Variants in SLC24A5 observed in about 807,000 individuals in gnomAD.
SLC24A5 encodes sodium/potassium/calcium exchanger 5.
In SLC24A5, 46 loss-of-function variants were observed where a neutral mutation model predicts 51.6. The observed-to-expected ratio is 0.89, with a 90% confidence interval of 0.70 to 1.14. SLC24A5 has a LOEUF of 1.14. Among genes scored for constraint, SLC24A5 ranks in the 50% most tolerant of loss-of-function variants. The pLI is 0.00. For synonymous variants in SLC24A5, 230 were observed against 214.9 expected (o/e 1.07, Z -0.62); for missense variants, 581 against 604.1 (o/e 0.96, Z 0.40).
At chr15:48,140,803 C>A (rs916175283) in intron 7 of SLC24A5, 10 of 298,320 alleles carry the variant, frequency 3.4e-5, no homozygotes, top group Non-Finnish European at 6.5e-5. Flanking sequence ...CAGCACAGCC[C>A]TGATGAGATA....
intron 2 of SLC24A5, among the ~76,000 whole-genome samples, chr15:48,130,387 C>A (rs1319686880): frequency 6.6e-6 from 1 of 152,076 alleles, no homozygotes; most frequent in African/African-American, 2.4e-5. Context: ...GTTAAAATAT[C>A]TTTAAGTTTT....
chr15:48,132,256 T>C (rs1003548399), intron 2 of SLC24A5, among the ~76,000 whole-genome samples: 1 of 152,146 alleles, frequency 6.6e-6, no homozygotes, highest in African/African-American at 2.4e-5. Context: ...TCAAGGTCTT[T>C]AGTTACCTTC....
At chr15:48,137,494 T>C (rs1741111584) in intron 6 of SLC24A5, 1 of 152,218 alleles carries the variant, frequency 6.6e-6, no homozygotes, top group Admixed American at 6.5e-5. Flanking sequence ...GAGAAATTAT[T>C]AGAACTGTTA....
intron 2 of SLC24A5, 21 bp from the exon 3 acceptor site, chr15:48,134,237 A>T (rs774800751): frequency 1.9e-5 from 31 of 1,606,272 alleles, no homozygotes; most frequent in Non-Finnish European, 2.6e-5. Flanking sequence ...TAGGCATAAC[A>T]ATCATTTCAT....
chr15:48,141,299 C>G (rs2039075269), intron 8 of SLC24A5, 85 bp downstream of exon 8: 1 of 1,160,448 alleles, frequency 8.6e-7, no homozygotes, highest in African/African-American at 1.6e-5. Flanking sequence ...TTACTTCCAG[C>G]CGGGTGTGGT....
intron 2 of SLC24A5, chr15:48,123,008 T>C (rs2038695672): frequency 6.6e-6 from 1 of 151,898 alleles, no homozygotes; most frequent in South Asian, 2.1e-4. Flanking sequence ...ATGTAAACTC[T>C]CCCTTTTCCC....
intron 2 of SLC24A5, chr15:48,122,356 G>T: frequency 4.0e-6 from 2 of 506,188 alleles, no homozygotes; most frequent in Non-Finnish European, 6.9e-6. Context: ...CTTTGTGTGC[G>T]CTCCTAATAC....
chr15:48,132,601 G>C (rs2038801962), intron 2 of SLC24A5, among the ~76,000 whole-genome samples: 1 of 152,014 alleles, frequency 6.6e-6, no homozygotes, highest in Non-Finnish European at 1.5e-5. Flanking sequence ...CACGGTTTTG[G>C]GTGTTTACTG....
At chr15:48,139,275 T>C in intron 7 of SLC24A5, 100 bp downstream of exon 7, 1 of 946,164 alleles carries the variant, frequency 1.1e-6, no homozygotes, top group East Asian at 2.4e-5. Flanking sequence ...CAAATTTCTT[T>C]TCAGCAAGAT....
intron 1 of SLC24A5, 85 bp downstream of exon 1, chr15:48,121,250 A>G (rs987522012): frequency 7.1e-7 from 1 of 1,415,594 alleles, no homozygotes; most frequent in African/African-American, 1.4e-5. Context: ...AAAAAGAGGA[A>G]AATTCTCAAT....
chr15:48,138,529 T>G (rs1347298784), intron 6 of SLC24A5: 3 of 153,284 alleles, frequency 2.0e-5, no homozygotes, highest in African/African-American at 7.2e-5. Context: ...TTATTTTATA[T>G]TCTTTAAGTA....
chr15:48,130,384 T>A (rs935027283), intron 2 of SLC24A5, among the ~76,000 whole-genome samples: 4 of 152,182 alleles, frequency 2.6e-5, no homozygotes, highest in African/African-American at 4.8e-5. Context: ...TTTGTTAAAA[T>A]ATCTTTAAGT....
Position 48,134,264 on chromosome 15 carries a change from G to T in SLC24A5, c.308G>T (p.Gly103Val). ...TCATTTCATTTATGTTCAGCCCTTG[G>T]ATTGTCTCAGGATGTTGCAGGCACA... is the stretch of plus-strand genomic sequence containing the variant. ...PSLEIISESL[G>V]LSQDVAGTTF... Residue 103 changes from glycine to valine, a missense_variant, in exon 3 of 9, where the codon GGA (glycine) becomes GTA (valine). By Grantham distance (109) the Gly-to-Val change is moderately radical. Transcript: ENST00000341459. 1 of 1,613,456 alleles carries T rather than the reference G, an allele frequency of 6.2e-7. No individual in the cohort carries two copies.
Position 48,134,277 on chromosome 15 carries a change from T to A in SLC24A5, c.321T>A (p.Asp107Glu), listed in dbSNP as rs750334231. 1.9e-6 allele frequency: 3 copies of A among 1,613,548 alleles called. No homozygotes were observed. The Admixed American group carries it at 5.0e-5, about 27-fold the overall frequency. ...GTTCAGCCCTTGGATTGTCTCAGGA[T>A]GTTGCAGGCACAACTTTCATGGCAG... ...IISESLGLSQ[D>E]VAGTTFMAAG... is the part of the protein sequence containing the mutation. Residue 107 changes from aspartate (D) to glutamate (E), a missense_variant, in exon 3 of 9, where the codon GAT (aspartate) becomes GAA (glutamate). By Grantham distance (45) the Asp-to-Glu change is conservative. Coordinates refer to ENST00000341459, the MANE Select transcript of SLC24A5 (RefSeq NM_205850.3).
Position 48,121,034 on chromosome 15 carries a change from G to A in SLC24A5, c.-11G>A. On this transcript the variant is annotated 5_prime_UTR_variant, in exon 1 of 9. Coordinates refer to ENST00000341459, the MANE Select transcript of SLC24A5 (RefSeq NM_205850.3). ...CCTGAAGCTGCACGCTGCAGTAAGA[G>A]CACAGCAGAAATGCAGACAAAAGGG... The A allele has an allele frequency of 1.2e-6, 2 of 1,612,748 alleles. No homozygotes were observed. Among genetic ancestry groups the A allele is most frequent in the Non-Finnish European group, 1.7e-6 (2 of 1,179,330 alleles).
At chr15:48,139,807 A>T (rs1843657414) in intron 7 of SLC24A5, 1 of 152,140 alleles carries the variant, frequency 6.6e-6, no homozygotes, top group Non-Finnish European at 1.5e-5. Context: ...TTCTCCTACA[A>T]AGGTTAACCC....
intron 2 of SLC24A5, among the ~76,000 whole-genome samples, chr15:48,132,885 G>A (rs191777641): frequency 5.3e-5 from 8 of 152,220 alleles, no homozygotes; most frequent in East Asian, 3.9e-4. Context: ...TAAGGAAGTC[G>A]TATCACCTTT....
chr15:48,127,633 A>T (rs1394802591), intron 2 of SLC24A5, among the ~76,000 whole-genome samples: 3 of 152,138 alleles, frequency 2.0e-5, no homozygotes, highest in African/African-American at 7.2e-5. Context: ...AGCCTGGCCA[A>T]CATGGTAAAA....
At chr15:48,128,547 A>G (rs2675348) in intron 2 of SLC24A5, among the ~76,000 whole-genome samples, 30,426 of 152,128 alleles carry the variant, frequency 0.2, 8,137 homozygotes, top group African/African-American at 0.58. Flanking sequence ...TGAAAAAATT[A>G]GGATTCAAAT....
Sources: allele counts gnomAD v4.1 joint callset (sites outside exome capture counted in the v4.1 genomes callset), GRCh38; gene constraint gnomAD v4.1.1; transcripts MANE v1.5; gene names NCBI Gene and HGNC (gene_info 2026-07-23, HGNC 2026-07-21).